NAA35: variants seen among roughly 807,000 people sequenced by gnomAD.
NAA35 encodes MAK10 homolog, amino-acid N-acetyltransferase subunit.
NAA35 carries 18 observed loss-of-function variants against 101.7 expected under a neutral mutation model. The observed-to-expected ratio is 0.18, with a 90% CI of 0.12 to 0.26. NAA35 has a LOEUF of 0.26. Among genes scored for constraint, NAA35 ranks in the 10% least tolerant of loss-of-function variants. NAA35 has a pLI of 1.00. For missense variants in NAA35, 601 were observed against 886.8 expected (o/e 0.68, Z 4.09); for synonymous variants, 267 against 273.1 (o/e 0.98, Z 0.22).
At position 86,016,684 on chromosome 9, in the gene NAA35, GATT is replaced by G; in HGVS notation, c.1705+13_1705+15del. On this transcript the variant is annotated intron_variant, in intron 18 of 22. Coordinates refer to ENST00000361671, the MANE Select transcript of NAA35 (RefSeq NM_024635.4). ...AAAGAAAAAAAAGAAAGGTGCTGTG[GATT>G]ATTTTTAAACTTAAGAACAGAGTGT... is the stretch of plus-strand genomic sequence containing the variant. 2 of 1,608,124 alleles carry G rather than the reference GATT, an allele frequency of 1.2e-6. No individual in the cohort carries two copies. The highest frequency in any genetic ancestry group is 3.3e-4 in the Middle Eastern group (2 of 6,040).
chr9:85,984,090 A>G (rs2118125290), intron 11 of NAA35, among the ~76,000 whole-genome samples: 1 of 152,100 alleles, frequency 6.6e-6, no homozygotes, highest in South Asian at 2.1e-4. Flanking sequence ...CACTTTGGGA[A>G]GCCAAGGTAG....
chr9:85,999,980 A>G (rs895101037), intron 12 of NAA35, among the ~76,000 whole-genome samples: 2 of 152,180 alleles, frequency 1.3e-5, no homozygotes, highest in African/African-American at 4.8e-5. Context: ...ATTTCTTTAA[A>G]AAAATTTTAC....
At chr9:85,947,976 C>G (rs540323364) in intron 2 of NAA35, among the ~76,000 whole-genome samples, 2 of 152,138 alleles carry the variant, frequency 1.3e-5, no homozygotes, top group African/African-American at 2.4e-5. Flanking sequence ...CCCTTAATCA[C>G]GTATAATATA....
In NAA35 at chr9:86,024,943, T is replaced by TAG. The variant is rs780050360; in HGVS notation, c.*2985_*2986dup. ...AGGGACTGAGATAGGTCCCAAGGAA[T>TAG]AGACTTGGGAGGGCCAGGGAATGGG... is the stretch of plus-strand genomic sequence containing the variant. On this transcript the variant is annotated 3_prime_UTR_variant, in exon 23 of 23. Coordinates refer to ENST00000361671, the MANE Select transcript of NAA35 (RefSeq NM_024635.4). Among the ~76,000 whole-genome samples, 7 of 151,958 alleles carry TAG rather than the reference T, an allele frequency of 4.6e-5. No individual in the cohort carries two copies. Among genetic ancestry groups the TAG allele is most frequent in the Non-Finnish European group, 1.0e-4 (7 of 67,998 alleles).
chr9:85,969,749 C>T (rs1000423052), intron 6 of NAA35, among the ~76,000 whole-genome samples: 1 of 151,824 alleles, frequency 6.6e-6, no homozygotes, highest in African/African-American at 2.4e-5. Flanking sequence ...TCTGTAGTCC[C>T]AGCCACTTGA....
chr9:86,007,278 G>C, intron 13 of NAA35, 80 bp from the exon 14 acceptor site: 1 of 979,640 alleles, frequency 1.0e-6, no homozygotes, highest in Non-Finnish European at 1.6e-6. Flanking sequence ...GTAGTCTGTG[G>C]CATTTATAAG....
chr9:85,971,452 C>T (rs781434369), intron 6 of NAA35, among the ~76,000 whole-genome samples: 13 of 152,130 alleles, frequency 8.5e-5, no homozygotes, highest in Non-Finnish European at 1.8e-4. Flanking sequence ...CTAGAGTACT[C>T]CTGGACTCCC....
rs139697662 is a variant in NAA35, at chr9:86,005,910, C to A, written c.1117-1448C>A. Reference sequence around the variant, plus strand: ...AAATCTGGCCAGGCATGGTGGCTCACGCCTGTAATCCCAGCACTTTGGGAG... The same window carrying A: ...AAATCTGGCCAGGCATGGTGGCTCAAGCCTGTAATCCCAGCACTTTGGGAG... On this transcript the variant is annotated intron_variant, in intron 13 of 22. Transcript: ENST00000361671. Among the ~76,000 whole-genome samples the A allele has an allele frequency of 2.0e-3, 310 of 151,764 alleles. 1 individual carries two copies. Among genetic ancestry groups the A allele is most frequent in the African/African-American group, 7.2e-3 (297 of 41,398 alleles).
chr9:85,964,241 A>G (rs1418022625), intron 6 of NAA35, among the ~76,000 whole-genome samples: 1 of 151,984 alleles, frequency 6.6e-6, no homozygotes, highest in Non-Finnish European at 1.5e-5. Flanking sequence ...GCTACTATTA[A>G]CATACTGTCC....
At chr9:85,965,499 G>C (rs1208183758) in intron 6 of NAA35, among the ~76,000 whole-genome samples, 1 of 152,076 alleles carries the variant, frequency 6.6e-6, no homozygotes, top group African/African-American at 2.4e-5. Flanking sequence ...GTGGTGCTGT[G>C]TGCCTGTAGT....
intron 6 of NAA35, among the ~76,000 whole-genome samples, chr9:85,967,405 T>C (rs1292493899): frequency 6.6e-6 from 1 of 152,190 alleles, no homozygotes; most frequent in African/African-American, 2.4e-5. Flanking sequence ...AAAGATTCTG[T>C]TTTCTTCGTT....
chr9:85,941,262 C>T lies in NAA35; in HGVS notation c.-17C>T, dbSNP rs1479874739. ...CAGTGCGTGGCGGCGCGGGTGACCA[C>T]GGGAGAAGTAGGTAGGGACCGCCCC... On this transcript the variant is annotated 5_prime_UTR_variant, in exon 1 of 23. In the 5' UTR this introduces an upstream ATG that the reference lacks. Coordinates refer to ENST00000361671, the MANE Select transcript of NAA35 (RefSeq NM_024635.4). 6 of 985,688 alleles carry T rather than the reference C, an allele frequency of 6.1e-6. No homozygotes were observed. Among genetic ancestry groups the T allele is most frequent in the African/African-American group, 1.7e-5 (1 of 57,238 alleles). The allele number at this position is 985,688 out of a possible 1,614,324, so 61.1% of individuals were successfully genotyped here.
chr9:85,951,362 G>A (rs902088493), intron 2 of NAA35, among the ~76,000 whole-genome samples: 2 of 152,152 alleles, frequency 1.3e-5, no homozygotes, highest in Non-Finnish European at 2.9e-5. Context: ...AGTATCTGAT[G>A]TAAATTTGGC....
intron 18 of NAA35, 32 bp downstream of exon 18, chr9:86,016,707 G>C (rs773782344): frequency 6.3e-7 from 1 of 1,594,506 alleles, no homozygotes; most frequent in Non-Finnish European, 8.5e-7. Flanking sequence ...CTTAAGAACA[G>C]AGTGTACTTT....
intron 5 of NAA35, among the ~76,000 whole-genome samples, chr9:85,961,624 G>A (rs1178866131): frequency 2.0e-5 from 3 of 152,154 alleles, no homozygotes; most frequent in African/African-American, 4.8e-5. Context: ...GGTGAGATAC[G>A]GTGTTGGCTG....
At chr9:85,941,348 G>A (rs1828502602) in intron 1 of NAA35, 75 bp downstream of exon 1, 2 of 985,436 alleles carry the variant, frequency 2.0e-6, no homozygotes, top group Non-Finnish European at 2.4e-6. Flanking sequence ...CCGCGCGTGT[G>A]GCAGATCCTG....
chr9:85,999,784 C>T (rs977800084), intron 12 of NAA35, among the ~76,000 whole-genome samples: 5 of 152,216 alleles, frequency 3.3e-5, no homozygotes, highest in Non-Finnish European at 5.9e-5. Context: ...TTCTCCTTAA[C>T]AAATCCAAGT....
chr9:85,944,555 G>A, intron 2 of NAA35, among the ~76,000 whole-genome samples: 1 of 152,196 alleles, frequency 6.6e-6, no homozygotes, highest in East Asian at 1.9e-4. Flanking sequence ...GAGAGATGAT[G>A]TGTGCCTTAA....
At chr9:86,007,124 A>G (rs1450410911) in intron 13 of NAA35, among the ~76,000 whole-genome samples, 2 of 152,220 alleles carry the variant, frequency 1.3e-5, no homozygotes, top group African/African-American at 4.8e-5. Flanking sequence ...TTTTAATATT[A>G]CTACTCTTGG....
Sources: gnomAD v4.1 joint callset for allele counts (sites outside exome capture counted in the v4.1 genomes callset) on GRCh38, gnomAD v4.1.1 for gene constraint, MANE v1.5 for transcripts, NCBI Gene and HGNC (gene_info 2026-07-23, HGNC 2026-07-21) for gene names.